IL1RAPL1: variants seen among roughly 807,000 people sequenced by gnomAD.
IL1RAPL1 encodes interleukin 1 receptor accessory protein like 1.
A neutral mutation model predicts 48.4 loss-of-function variants in IL1RAPL1; 3 were observed. That is an observed-to-expected ratio of 0.06 (90% confidence interval 0.03 to 0.16). The LOEUF (loss-of-function observed/expected upper bound fraction) is 0.16, where lower values mean the gene tolerates loss of function less well. Ranked by LOEUF, IL1RAPL1 falls within the 10% of genes least tolerant of loss-of-function variation. The probability of loss-of-function intolerance (pLI) is 1.00; values close to 1 mark genes in which losing one functional copy is unlikely to be tolerated. For missense variants in IL1RAPL1, 349 were observed against 530.6 expected (o/e 0.66, Z 3.36); for synonymous variants, 185 against 187.7 (o/e 0.99, Z 0.12).
At position 29,118,509 on chromosome X, in the gene IL1RAPL1, A is replaced by G. The variant is rs965568220; in HGVS notation, c.83-164429A>G. Among the ~76,000 whole-genome samples, 7 of 111,933 alleles carry G rather than the reference A, an allele frequency of 6.3e-5. No individual in the cohort carries two copies. In the Admixed American group the frequency reaches 6.7e-4, roughly 11 times the overall value. On this transcript the variant is annotated intron_variant, in intron 2 of 10. Transcript: ENST00000378993. ...ATACTGTGATTTTATATTAATCAAAATGCAAAGATGCAGAAGTTGTGAGAA... is the reference window on the plus strand; with the variant it reads ...ATACTGTGATTTTATATTAATCAAAGTGCAAAGATGCAGAAGTTGTGAGAA...
At chrX:29,140,428 A>T (rs1448626873) in intron 2 of IL1RAPL1, among the ~76,000 whole-genome samples, 1 of 112,211 alleles carries the variant, frequency 8.9e-6, no homozygotes, top group Non-Finnish European at 1.9e-5. Context: ...TACATTTAAA[A>T]TTCTCTGGAT....
At chrX:29,591,547 C>T (rs927275553) in intron 5 of IL1RAPL1, among the ~76,000 whole-genome samples, 1 of 112,073 alleles carries the variant, frequency 8.9e-6, no homozygotes, top group Non-Finnish European at 1.9e-5. Flanking sequence ...TGGCTCGTCC[C>T]TCTGCCCTTG....
chrX:29,171,197 A>C (rs1007530803), intron 2 of IL1RAPL1, among the ~76,000 whole-genome samples: 2 of 111,498 alleles, frequency 1.8e-5, no homozygotes, highest in Non-Finnish European at 3.8e-5. Context: ...GGGTTTCACC[A>C]TATTGGTCAG....
At chrX:28,609,536 A>AT (rs753210544) in intron 1 of IL1RAPL1, among the ~76,000 whole-genome samples, 7,513 of 95,078 alleles carry the variant, frequency 0.079, 262 homozygotes, top group African/African-American at 0.13. Flanking sequence ...CCTGGCAGGC[A>AT]TTTTTTTTTT....
chrX:29,055,182 G>A (rs1927183826), intron 2 of IL1RAPL1, among the ~76,000 whole-genome samples: 1 of 111,203 alleles, frequency 9.0e-6, no homozygotes, highest in African/African-American at 3.3e-5. Context: ...CCTCAGTTTT[G>A]TTTTTCTATA....
intron 2 of IL1RAPL1, among the ~76,000 whole-genome samples, chrX:29,156,937 T>G (rs1478580926): frequency 1.8e-5 from 2 of 112,031 alleles, no homozygotes; most frequent in Non-Finnish European, 3.8e-5. Context: ...AATGGATTTC[T>G]TGAAAAGTAG....
At chrX:29,214,497 G>A (rs1602115585) in intron 2 of IL1RAPL1, among the ~76,000 whole-genome samples, 2 of 111,458 alleles carry the variant, frequency 1.8e-5, no homozygotes, top group East Asian at 5.6e-4. Context: ...ATATTGTAGT[G>A]TTCTCATTAC....
intron 2 of IL1RAPL1, among the ~76,000 whole-genome samples, chrX:29,233,331 C>T (rs949674997): frequency 2.7e-5 from 3 of 111,429 alleles, no homozygotes. Context: ...TGATATTCTT[C>T]TGGCACCTCA....
chrX:29,247,157 CAT>C, intron 2 of IL1RAPL1, among the ~76,000 whole-genome samples: 1 of 111,885 alleles, frequency 8.9e-6, no homozygotes, highest in East Asian at 2.8e-4. Flanking sequence ...TTTACTGTAA[CAT>C]ATATTTTTCT....
chrX:29,489,326 G>A (rs1473943978), intron 5 of IL1RAPL1, among the ~76,000 whole-genome samples: 3 of 111,416 alleles, frequency 2.7e-5, no homozygotes, highest in African/African-American at 9.8e-5. Flanking sequence ...TTACATTTTG[G>A]TAAAGCTGGA....
At chrX:29,063,484 A>T (rs1231368144) in intron 2 of IL1RAPL1, among the ~76,000 whole-genome samples, 3 of 111,615 alleles carry the variant, frequency 2.7e-5, no homozygotes, top group African/African-American at 9.8e-5. Flanking sequence ...TTTGTTCTCC[A>T]ACTATATTTT....
intron 2 of IL1RAPL1, among the ~76,000 whole-genome samples, chrX:29,161,046 C>T (rs748691022): frequency 9.4e-6 from 1 of 106,154 alleles, no homozygotes; most frequent in East Asian, 3.0e-4. Context: ...GGGTGCAAAG[C>T]GAGACTCTGT....
At chrX:28,937,492 A>G (rs954982506) in intron 2 of IL1RAPL1, among the ~76,000 whole-genome samples, 1 of 111,572 alleles carries the variant, frequency 9.0e-6, no homozygotes, top group Non-Finnish European at 1.9e-5. Context: ...AACATTAAAA[A>G]TTAATGACAG....
intron 2 of IL1RAPL1, among the ~76,000 whole-genome samples, chrX:28,938,710 CAA>C (rs1310865711): frequency 9.0e-6 from 1 of 111,167 alleles, no homozygotes; most frequent in African/African-American, 3.3e-5. Context: ...TTCTGCACAG[CAA>C]AAGAAACTAT....
chrX:29,074,397 C>A (rs1602044130), intron 2 of IL1RAPL1, among the ~76,000 whole-genome samples: 2 of 111,520 alleles, frequency 1.8e-5, no homozygotes, highest in South Asian at 7.5e-4. Context: ...TGGCCTAACT[C>A]ATTTTTAAGC....
intron 2 of IL1RAPL1, among the ~76,000 whole-genome samples, chrX:29,193,674 GATGAA>G (rs903073663): frequency 9.0e-6 from 1 of 110,984 alleles, no homozygotes; most frequent in Non-Finnish European, 1.9e-5. Context: ...ATTTTATGAT[GATGAA>G]ATGAAACAGC....
chrX:28,958,153 G>A (rs1054982878), intron 2 of IL1RAPL1, among the ~76,000 whole-genome samples: 2 of 109,770 alleles, frequency 1.8e-5, no homozygotes, highest in African/African-American at 6.6e-5. Flanking sequence ...ATTTTTTTTA[G>A]TAATTTTAAA....
chrX:29,572,528 A>G (rs765501366), intron 5 of IL1RAPL1, among the ~76,000 whole-genome samples: 8 of 112,633 alleles, frequency 7.1e-5, no homozygotes, highest in African/African-American at 2.6e-4. Context: ...CATTTACATA[A>G]TAAAATTAAA....
chrX:29,066,531 G>C (rs992252995), intron 2 of IL1RAPL1, among the ~76,000 whole-genome samples: 1 of 112,421 alleles, frequency 8.9e-6, no homozygotes, highest in African/African-American at 3.2e-5. Flanking sequence ...TTGCTCCAAA[G>C]TTCAGGGCAA....
Sources: gnomAD v4.1 joint callset for allele counts (sites outside exome capture counted in the v4.1 genomes callset) on GRCh38, gnomAD v4.1.1 for gene constraint, MANE v1.5 for transcripts, NCBI Gene and HGNC (gene_info 2026-07-23, HGNC 2026-07-21) for gene names.